SOX6: variants seen among roughly 807,000 people sequenced by gnomAD.
SOX6 encodes transcription factor SOX-6.
Under a neutral mutation model 97.8 loss-of-function variants are expected in SOX6, and 11 were observed. The observed-to-expected ratio is 0.11, with a 90% CI of 0.07 to 0.19. The LOEUF (loss-of-function observed/expected upper bound fraction) is 0.19, where lower values mean the gene tolerates loss of function less well. Ranked by LOEUF, SOX6 falls within the 10% of genes least tolerant of loss-of-function variation. SOX6 has a pLI of 1.00. For missense variants in SOX6, 810 were observed against 1,039.5 expected (o/e 0.78, Z 3.04); for synonymous variants, 360 against 371.4 (o/e 0.97, Z 0.35).
chr11:16,037,010 T>C (rs1464711539), intron 12 of SOX6, among the ~76,000 whole-genome samples: 1 of 152,180 alleles, frequency 6.6e-6, no homozygotes, highest in African/African-American at 2.4e-5. Flanking sequence ...TAGCAGACTT[T>C]TAAAAATATA....
At chr11:16,139,951 TTATATA>T (rs149983908) in intron 6 of SOX6, among the ~76,000 whole-genome samples, 2 of 124,716 alleles carry the variant, frequency 1.6e-5, no homozygotes, top group African/African-American at 6.7e-5. Flanking sequence ...GGCTCATATA[TTATATA>T]TATATATATA....
intron 13 of SOX6, among the ~76,000 whole-genome samples, chr11:15,991,300 T>G (rs780551834): frequency 2.6e-5 from 4 of 152,324 alleles, no homozygotes; most frequent in African/African-American, 7.2e-5. Context: ...TTGACAGCCA[T>G]GTTTATTGCG....
chr11:16,298,025 A>G (rs1236404965), intron 3 of SOX6, among the ~76,000 whole-genome samples: 1 of 152,198 alleles, frequency 6.6e-6, no homozygotes, highest in African/African-American at 2.4e-5. Flanking sequence ...AAAAACACAT[A>G]AAAGCATGAT....
intron 6 of SOX6, among the ~76,000 whole-genome samples, chr11:16,151,912 T>C (rs1476352360): frequency 6.6e-6 from 1 of 152,192 alleles, no homozygotes; most frequent in African/African-American, 2.4e-5. Context: ...TTAATTTTGG[T>C]ATGAGAACTT....
chr11:16,335,207 C>T (rs1590134849), intron 2 of SOX6, among the ~76,000 whole-genome samples: 1 of 152,184 alleles, frequency 6.6e-6, no homozygotes, highest in African/African-American at 2.4e-5. Context: ...ATGAGTCTTC[C>T]TAGAAAATAC....
chr11:15,982,721 C>G (rs1204614831), intron 15 of SOX6, among the ~76,000 whole-genome samples: 1 of 151,908 alleles, frequency 6.6e-6, no homozygotes, highest in African/African-American at 2.4e-5. Flanking sequence ...CACTGTAGAC[C>G]TAACTACATA....
At chr11:16,683,027 G>C (rs1426184510) in intron 3 of SOX6, among the ~76,000 whole-genome samples, 2 of 152,152 alleles carry the variant, frequency 1.3e-5, no homozygotes, top group Non-Finnish European at 2.9e-5. Context: ...CAACTTACAA[G>C]GGATGTGAAG....
chr11:16,133,926 C>G (rs1039892067), intron 6 of SOX6, among the ~76,000 whole-genome samples: 6 of 152,148 alleles, frequency 3.9e-5, no homozygotes, highest in African/African-American at 1.4e-4. Context: ...ACCTCATGAT[C>G]TGCCTGCCTT....
intron 9 of SOX6, among the ~76,000 whole-genome samples, chr11:16,060,216 A>G (rs1847912851): frequency 6.6e-6 from 1 of 151,940 alleles, no homozygotes; most frequent in Admixed American, 6.6e-5. Context: ...GAATAATACA[A>G]TTACTTTTCA....
At chr11:16,067,401 T>A (rs1848117777) in intron 9 of SOX6, among the ~76,000 whole-genome samples, 1 of 151,972 alleles carries the variant, frequency 6.6e-6, no homozygotes. Flanking sequence ...AGTGAATAAG[T>A]CTTGGGAGAT....
intron 5 of SOX6, among the ~76,000 whole-genome samples, 153 bp from the exon 6 acceptor site, chr11:16,184,107 T>G (rs968386243): frequency 2.6e-5 from 4 of 152,048 alleles, no homozygotes; most frequent in Non-Finnish European, 5.9e-5. Context: ...GAAAGATGGA[T>G]GAAAGGAAAA....
chr11:16,724,751 G>A (rs1405519343), intron 2 of SOX6, among the ~76,000 whole-genome samples: 1 of 152,146 alleles, frequency 6.6e-6, no homozygotes, highest in Non-Finnish European at 1.5e-5. Context: ...ATATTCATTA[G>A]TATACTTGGT....
At chr11:16,473,374 A>AACC (rs1326244544) in intron 1 of SOX6, among the ~76,000 whole-genome samples, 1 of 152,200 alleles carries the variant, frequency 6.6e-6, no homozygotes, top group African/African-American at 2.4e-5. Flanking sequence ...AAGTCTAAGA[A>AACC]ACAATGTATA....
At chr11:16,092,682 G>C (rs1350403926) in intron 9 of SOX6, among the ~76,000 whole-genome samples, 1 of 151,748 alleles carries the variant, frequency 6.6e-6, no homozygotes, top group African/African-American at 2.4e-5. Flanking sequence ...GAAGGCATGA[G>C]GCAGGTGGAT....
chr11:16,165,447 A>T (rs757803161), intron 6 of SOX6, among the ~76,000 whole-genome samples: 1 of 152,192 alleles, frequency 6.6e-6, no homozygotes, highest in Non-Finnish European at 1.5e-5. Flanking sequence ...CATAATATAC[A>T]TAAGAATTAT....
intron 1 of SOX6, among the ~76,000 whole-genome samples, chr11:16,436,164 A>G (rs1859372389): frequency 6.6e-6 from 1 of 152,236 alleles, no homozygotes; most frequent in Non-Finnish European, 1.5e-5. Flanking sequence ...CCTATGTAAC[A>G]AACCATGTTT....
chr11:16,525,862 G>A (rs1861152807), intron 4 of SOX6, among the ~76,000 whole-genome samples: 1 of 150,930 alleles, frequency 6.6e-6, no homozygotes, highest in Admixed American at 6.6e-5. Flanking sequence ...CATTTATGCA[G>A]CCAAAAGACA....
chr11:16,494,256 G>C (rs1220005362), intron 4 of SOX6, among the ~76,000 whole-genome samples: 1 of 152,048 alleles, frequency 6.6e-6, no homozygotes, highest in Admixed American at 6.6e-5. Flanking sequence ...CATGCCTGTA[G>C]TCCCAGCTAC....
intron 4 of SOX6, among the ~76,000 whole-genome samples, chr11:16,197,171 C>T (rs1190516782): frequency 2.0e-5 from 3 of 152,036 alleles, no homozygotes; most frequent in East Asian, 3.9e-4. Context: ...GGCTCCTCTA[C>T]GAATTCCCCA....
Sources: allele counts gnomAD v4.1 joint callset (sites outside exome capture counted in the v4.1 genomes callset), GRCh38; gene constraint gnomAD v4.1.1; transcripts MANE v1.5; gene names NCBI Gene and HGNC (gene_info 2026-07-23, HGNC 2026-07-21).